The following CTNNA3 variants were observed in gnomAD, a reference collection of about 807,000 sequenced individuals.
The protein encoded by CTNNA3 is catenin alpha-3.
A neutral mutation model predicts 95.7 loss-of-function variants in CTNNA3; 76 were observed. The ratio of observed to expected loss-of-function variants is 0.79; its 90% CI spans 0.66 to 0.96. CTNNA3 has a LOEUF of 0.96. Ranked by LOEUF, CTNNA3 falls within the 40% of genes least tolerant of loss-of-function variation. The pLI, the probability that CTNNA3 is intolerant of heterozygous loss-of-function variation, is 0.00. For missense variants in CTNNA3, 1,191 were observed against 1,089.8 expected (o/e 1.09, Z -1.31); for synonymous variants, 431 against 374.4 (o/e 1.15, Z -1.74).
At chr10:67,159,464 T>C (rs1279202731) in intron 7 of CTNNA3, among the ~76,000 whole-genome samples, 5 of 152,100 alleles carry the variant, frequency 3.3e-5, no homozygotes, top group Admixed American at 2.0e-4. Context: ...GGTACTAACA[T>C]AAAGACAGAC....
chr10:65,925,734 G>A (rs975566141), intron 17 of CTNNA3, among the ~76,000 whole-genome samples: 1 of 152,208 alleles, frequency 6.6e-6, no homozygotes, highest in East Asian at 1.9e-4. Flanking sequence ...ACTGCACTTG[G>A]CTCTTCTTGT....
At chr10:66,764,555 T>C (rs568957771) in intron 9 of CTNNA3, among the ~76,000 whole-genome samples, 2 of 152,282 alleles carry the variant, frequency 1.3e-5, no homozygotes, top group African/African-American at 4.8e-5. Flanking sequence ...AACTGAGAAA[T>C]AGGAAGAGGA....
chr10:65,912,607 CAT>C lies in CTNNA3; in HGVS notation c.*7721_*7722del, dbSNP rs1176405755. The C allele has an allele frequency of 1.3e-5, 2 of 152,182 alleles. No individual in the cohort carries two copies. Among genetic ancestry groups the C allele is most frequent in the East Asian group, 3.9e-4 (2 of 5,172 alleles). The allele number at this position is 152,182 out of a possible 1,614,324, so 9.4% of individuals were successfully genotyped here. On this transcript the variant is annotated 3_prime_UTR_variant, in exon 18 of 18. Coordinates refer to ENST00000433211, the MANE Select transcript of CTNNA3 (RefSeq NM_013266.4). The stretch of plus-strand genomic sequence containing the variant: ...AAATTCTTAATGAGCTACAGAGTGA[CAT>C]GAGTTGAAATTAGAATAAAGTAAAA...
chr10:67,270,472 C>T, intron 5 of CTNNA3, among the ~76,000 whole-genome samples: 1 of 152,040 alleles, frequency 6.6e-6, no homozygotes, highest in East Asian at 1.9e-4. Flanking sequence ...CACAGTGATA[C>T]CAAAAATAGT....
At chr10:66,520,245 C>CTTTTTTTTTTTTT in intron 11 of CTNNA3, among the ~76,000 whole-genome samples, 1 of 78,010 alleles carries the variant, frequency 1.3e-5, no homozygotes, top group Non-Finnish European at 2.3e-5. Context: ...TAGTATTATT[C>CTTTTTTTTTTTTT]TTTTTTTTTT....
chr10:66,426,891 A>AT (rs1050277623), intron 11 of CTNNA3, among the ~76,000 whole-genome samples: 1 of 151,516 alleles, frequency 6.6e-6, no homozygotes, highest in Non-Finnish European at 1.5e-5. Flanking sequence ...CAAATACTTT[A>AT]TTTTTTCATA....
chr10:65,990,816 C>T (rs796114070), intron 15 of CTNNA3, among the ~76,000 whole-genome samples: 2 of 151,862 alleles, frequency 1.3e-5, no homozygotes, highest in African/African-American at 4.8e-5. Context: ...CTTTTGAAGT[C>T]TTAGCCATAA....
intron 10 of CTNNA3, among the ~76,000 whole-genome samples, chr10:66,598,424 AG>A (rs1843800842): frequency 6.6e-6 from 1 of 152,024 alleles, no homozygotes; most frequent in African/African-American, 2.4e-5. Context: ...AATTAGACAA[AG>A]GAAAGAAATA....
At chr10:66,613,463 C>A (rs1844400117) in intron 10 of CTNNA3, among the ~76,000 whole-genome samples, 1 of 151,968 alleles carries the variant, frequency 6.6e-6, no homozygotes, top group Non-Finnish European at 1.5e-5. Flanking sequence ...AAGAAAGTGG[C>A]TGTGTAATTG....
In CTNNA3 at chr10:67,209,801, A is replaced by G. The variant is rs187327085; in HGVS notation, c.843+9806T>C. On this transcript the variant is annotated intron_variant, in intron 6 of 17. Transcript: ENST00000433211. ...GCAAAGAAAAAAAAACTAAGTTAAAACTAACACCTATTTTTTAAAATACAG... is the reference window on the plus strand; with the variant it reads ...GCAAAGAAAAAAAAACTAAGTTAAAGCTAACACCTATTTTTTAAAATACAG... 3.7e-4 allele frequency among the ~76,000 whole-genome samples: 57 copies of G among 152,202 alleles called. No homozygotes were observed. The East Asian group carries it at 9.4e-3, about 25-fold the overall frequency.
intron 7 of CTNNA3, among the ~76,000 whole-genome samples, chr10:66,866,061 G>T (rs1844162743): frequency 3.9e-5 from 6 of 151,976 alleles, no homozygotes; most frequent in Admixed American, 3.3e-4. Flanking sequence ...AAATATAAAG[G>T]TTATCTAGGT....
chr10:67,551,667 G>A (rs932978574), intron 3 of CTNNA3, among the ~76,000 whole-genome samples: 1 of 152,160 alleles, frequency 6.6e-6, no homozygotes, highest in Non-Finnish European at 1.5e-5. Context: ...CCCACAGCCT[G>A]CCCGTCTGTA....
intron 16 of CTNNA3, among the ~76,000 whole-genome samples, chr10:65,986,632 G>A (rs949521602): frequency 6.6e-6 from 1 of 151,614 alleles, no homozygotes; most frequent in South Asian, 2.1e-4. Context: ...TGTCCATACT[G>A]CCCAGAGCAA....
chr10:67,030,566 T>G (rs1342788580), intron 7 of CTNNA3, among the ~76,000 whole-genome samples: 1 of 140,746 alleles, frequency 7.1e-6, no homozygotes, highest in Non-Finnish European at 1.6e-5. Context: ...ATATAATAAT[T>G]TTATATATTT....
intron 12 of CTNNA3, among the ~76,000 whole-genome samples, chr10:66,316,315 G>T (rs1340144395): frequency 6.6e-6 from 1 of 152,028 alleles, no homozygotes; most frequent in Non-Finnish European, 1.5e-5. Context: ...TCATGAACAG[G>T]GTGGGCTCCC....
intron 11 of CTNNA3, among the ~76,000 whole-genome samples, chr10:66,435,372 T>C (rs945291185): frequency 6.6e-5 from 10 of 152,166 alleles, no homozygotes; most frequent in Non-Finnish European, 1.0e-4. Context: ...TGGTTTAGTC[T>C]TGGGAGGGTG....
At chr10:67,400,239 A>C (rs1285916507) in intron 5 of CTNNA3, among the ~76,000 whole-genome samples, 2 of 152,182 alleles carry the variant, frequency 1.3e-5, no homozygotes, top group African/African-American at 4.8e-5. Flanking sequence ...AGTGCTTGTC[A>C]TTTGTAACTA....
At chr10:65,984,414 A>C (rs574775485) in intron 16 of CTNNA3, among the ~76,000 whole-genome samples, 1 of 151,468 alleles carries the variant, frequency 6.6e-6, no homozygotes, top group African/African-American at 2.4e-5. Flanking sequence ...TTAGAACTAT[A>C]TTTCTTCAGA....
chr10:66,426,856 T>C (rs1589233035), intron 11 of CTNNA3, among the ~76,000 whole-genome samples: 1 of 151,988 alleles, frequency 6.6e-6, no homozygotes, highest in Non-Finnish European at 1.5e-5. Context: ...CTTTGATACA[T>C]GTTATAATTT....
Sources: gnomAD v4.1 joint callset for allele counts (sites outside exome capture counted in the v4.1 genomes callset) on GRCh38, gnomAD v4.1.1 for gene constraint, MANE v1.5 for transcripts, NCBI Gene and HGNC (gene_info 2026-07-23, HGNC 2026-07-21) for gene names.